The following SLC26A3 variants were observed in gnomAD, a reference collection of about 807,000 sequenced individuals.
The protein encoded by SLC26A3 is chloride anion exchanger.
A neutral mutation model predicts 85.6 loss-of-function variants in SLC26A3; 64 were observed. The ratio of observed to expected loss-of-function variants is 0.75; its 90% CI spans 0.61 to 0.92. The LOEUF is 0.92. SLC26A3 is among the 40% of genes least tolerant of loss of function. The probability of loss-of-function intolerance (pLI) is 0.00; values close to 1 mark genes in which losing one functional copy is unlikely to be tolerated. For synonymous variants in SLC26A3, 349 were observed against 336.0 expected (o/e 1.04, Z -0.42); for missense variants, 922 against 927.3 (o/e 0.99, Z 0.07).
chr7:107,766,063 A>G (rs564194195), intron 20 of SLC26A3, among the ~76,000 whole-genome samples, 185 bp from the exon 21 acceptor site: 2 of 152,262 alleles, frequency 1.3e-5, no homozygotes, highest in East Asian at 3.9e-4. Flanking sequence ...TGTAATTCAA[A>G]GGCCTAACTT....
rs1794359276 is a variant in SLC26A3 at position 107,789,629 on chromosome 7, G to A, written c.630C>T (p.Ile210=). 6.2e-7 allele frequency: 1 copy of A among 1,613,978 alleles called. No homozygotes were observed. The change falls in exon 6 of 21, where the codon ATC becomes ATT. Residue 210 remains isoleucine (I), a synonymous_variant. Transcript: ENST00000340010. ...FVVIYLSESL[I]SGFTTAAAVH... is the part of the protein sequence containing the mutation. ...CAGCAGCAGCAGTAGTGAAGCCACT[G>A]ATGAGGGACTCAGACAGGTATATCA...
intron 17 of SLC26A3, among the ~76,000 whole-genome samples, chr7:107,773,419 G>T (rs1024707084): frequency 6.6e-6 from 1 of 152,180 alleles, no homozygotes; most frequent in Non-Finnish European, 1.5e-5. Context: ...CTTCAATATA[G>T]TACCCAGTCT....
At chr7:107,772,645 A>G (rs1357796361) in intron 17 of SLC26A3, among the ~76,000 whole-genome samples, 2 of 152,202 alleles carry the variant, frequency 1.3e-5, no homozygotes, top group African/African-American at 2.4e-5. Flanking sequence ...ATCAGGTTAG[A>G]TGATCATTAA....
Position 107,774,853 on chromosome 7 carries a change from C to T in SLC26A3, c.1697G>A (p.Arg566Gln), listed in dbSNP as rs746185703. The T allele has an allele frequency of 1.5e-5, 24 of 1,613,946 alleles. No homozygotes were observed. In the East Asian group the frequency reaches 2.0e-4, roughly 13 times the overall value. The stretch of plus-strand genomic sequence containing the variant: ...AGCTTTGTTGCGCTTGCGTAGAATT[C>T]GAAGTGGACTAAAGCCAACCTGAGA... ...LIDAVGFSPL[R>Q]ILRKRNKALR... Residue 566 changes from arginine (R) to glutamine (Q), a missense_variant, in exon 16 of 21, where the codon CGA (arginine) becomes CAA (glutamine). Transcript: ENST00000340010.
At chr7:107,770,052 C>CTT (rs1562874257) in intron 18 of SLC26A3, among the ~76,000 whole-genome samples, 1 of 32,580 alleles carries the variant, frequency 3.1e-5, no homozygotes, top group Non-Finnish European at 7.9e-5. Context: ...CTTTCTTTCT[C>CTT]TTTTCTTTCT....
At chr7:107,772,130 C>T in intron 17 of SLC26A3, 22 bp from the exon 18 acceptor site, 1 of 1,404,980 alleles carries the variant, frequency 7.1e-7, no homozygotes, top group Non-Finnish European at 1.0e-6. Context: ...AAAAGTATAT[C>T]TTCCTTAGGG....
chr7:107,785,591 T>C (rs1225277985), intron 8 of SLC26A3, among the ~76,000 whole-genome samples: 1 of 152,194 alleles, frequency 6.6e-6, no homozygotes, highest in Non-Finnish European at 1.5e-5. Flanking sequence ...CCCAAGACAT[T>C]TAAGTAAAGT....
At chr7:107,799,224 G>C (rs4730266) in intron 1 of SLC26A3, among the ~76,000 whole-genome samples, 149,209 of 152,232 alleles carry the variant, frequency 0.98, 73,145 homozygotes, top group East Asian at 1. Context: ...CTACATTGCC[G>C]AAGATGCTGA....
intron 2 of SLC26A3, 132 bp downstream of exon 2, chr7:107,794,239 GTAGGAGGT>G: frequency 1.0e-6 from 1 of 960,432 alleles, no homozygotes; most frequent in Non-Finnish European, 1.6e-6. Context: ...CTGTCAGGGA[GTAGGAGGT>G]TTGGAAACTA....
chr7:107,788,043 G>C (rs1386751343), intron 6 of SLC26A3, among the ~76,000 whole-genome samples: 1 of 152,064 alleles, frequency 6.6e-6, no homozygotes, highest in African/African-American at 2.4e-5. Context: ...CATACTTCTT[G>C]AAGCTAGTTG....
intron 8 of SLC26A3, 42 bp from the exon 9 acceptor site, chr7:107,783,394 T>C: frequency 6.2e-7 from 1 of 1,609,762 alleles, no homozygotes; most frequent in East Asian, 2.2e-5. Context: ...ACCAACCAAT[T>C]TATAAACTGA....
intron 2 of SLC26A3, 76 bp downstream of exon 2, chr7:107,794,303 T>C (rs1794457630): frequency 6.5e-7 from 1 of 1,537,782 alleles, no homozygotes; most frequent in Non-Finnish European, 9.0e-7. Flanking sequence ...GAAAGGAGAG[T>C]TGGAAAGTTA....
intron 8 of SLC26A3, among the ~76,000 whole-genome samples, chr7:107,785,762 AAAAAAT>A (rs1285507947): frequency 1.3e-5 from 2 of 152,234 alleles, no homozygotes; most frequent in Non-Finnish European, 2.9e-5. Context: ...TTTTTCTTTA[AAAAAAT>A]AAAAAGTACA....
In SLC26A3 at chr7:107,767,592, T is replaced by C. The variant is rs35342296; in HGVS notation, c.2258A>G (p.Asn753Ser). ...FTINTNGGLR[N>S]RVYEVPVETK... ...GAAGAATCTTACCTCATATACCCGA[T>C]TACGTAATCCTCCATTTGTATTTAT... Residue 753 changes from asparagine to serine, a missense_variant, in exon 20 of 21, where the codon AAT becomes AGT. Physicochemically the swap from Asn to Ser is conservative, Grantham distance 46. Transcript: ENST00000340010. 2,385 of 1,607,962 alleles carry C rather than the reference T, an allele frequency of 1.5e-3. 31 individuals are homozygous for C. In the African/African-American group the frequency reaches 0.028, roughly 19 times the overall value.
chr7:107,798,734 G>A (rs1479140365), intron 1 of SLC26A3, among the ~76,000 whole-genome samples: 1 of 152,126 alleles, frequency 6.6e-6, no homozygotes, highest in Non-Finnish European at 1.5e-5. Context: ...GCTGAGGAAG[G>A]CCTTCGATAG....
At chr7:107,776,762 G>A in intron 13 of SLC26A3, 56 bp from the exon 14 acceptor site, 2 of 1,523,850 alleles carry the variant, frequency 1.3e-6, no homozygotes, top group Non-Finnish European at 1.8e-6. Flanking sequence ...AAGCCTATAA[G>A]GCTAACACTG....
At chr7:107,787,563 A>G (rs1156861061) in intron 6 of SLC26A3, 54 bp from the exon 7 acceptor site, 13 of 1,449,130 alleles carry the variant, frequency 9.0e-6, no homozygotes, top group Middle Eastern at 4.4e-4. Flanking sequence ...CACAATTTGG[A>G]TACAACGCAT....
intron 16 of SLC26A3, 86 bp from the exon 17 acceptor site, chr7:107,774,239 T>C: frequency 9.2e-7 from 1 of 1,083,240 alleles, no homozygotes; most frequent in South Asian, 1.3e-5. Flanking sequence ...TCAGAAGCAC[T>C]GATTCTGAGT....
chr7:107,770,164 T>TCTTTTC, intron 18 of SLC26A3, among the ~76,000 whole-genome samples: 3 of 11,822 alleles, frequency 2.5e-4, no homozygotes, highest in African/African-American at 1.5e-3. Flanking sequence ...TTTTTTTTTT[T>TCTTTTC]TTTTTTTTTT....
Sources: gnomAD v4.1 joint callset for allele counts (sites outside exome capture counted in the v4.1 genomes callset) on GRCh38, gnomAD v4.1.1 for gene constraint, MANE v1.5 for transcripts, NCBI Gene and HGNC (gene_info 2026-07-23, HGNC 2026-07-21) for gene names.